NRXN3: variants seen among roughly 807,000 people sequenced by gnomAD.
The protein encoded by NRXN3 is neurexin III.
Under a neutral mutation model 137.6 loss-of-function variants are expected in NRXN3, and 32 were observed. The ratio of observed to expected loss-of-function variants is 0.23; its 90% CI spans 0.18 to 0.31. The LOEUF is 0.31. NRXN3 is among the 10% of genes least tolerant of loss of function. The pLI, the probability that NRXN3 is intolerant of heterozygous loss-of-function variation, is 1.00. For missense variants in NRXN3, 1,574 were observed against 2,062.5 expected, an observed-to-expected ratio of 0.76 and a Z score of 4.59; for synonymous variants, 798 against 784.5, an observed-to-expected ratio of 1.02 and a Z score of -0.29.
intron 8 of NRXN3, among the ~76,000 whole-genome samples, chr14:78,772,359 A>T (rs1291628330): frequency 6.6e-6 from 1 of 151,986 alleles, no homozygotes; most frequent in East Asian, 1.9e-4. Context: ...AAAGTTTGGG[A>T]AAAAGAGGAG....
rs555620364 is a variant in NRXN3, at chr14:79,805,030, G to C, written c.4015-82G>C. 57 of 929,720 alleles carry C rather than the reference G, an allele frequency of 6.1e-5. No homozygotes were observed. In the East Asian group the frequency reaches 1.4e-3, roughly 22 times the overall value. The allele number at this position is 929,720 out of a possible 1,614,324, so 57.6% of individuals were successfully genotyped here. On this transcript the variant is annotated intron_variant, in intron 19 of 20. Transcript: ENST00000335750. ...AGATGGGACACAGTGATAAATCTTT[G>C]ATGTCTTTGTTCATTAGTTTCCTTA...
At chr14:79,472,561 T>TA (rs1449447214) in intron 16 of NRXN3, among the ~76,000 whole-genome samples, 1 of 152,202 alleles carries the variant, frequency 6.6e-6, no homozygotes, top group Non-Finnish European at 1.5e-5. Flanking sequence ...TTTATTGAAG[T>TA]ATATGTGCAT....
At chr14:79,078,452 G>T (rs182618001) in intron 15 of NRXN3, among the ~76,000 whole-genome samples, 11 of 152,184 alleles carry the variant, frequency 7.2e-5, no homozygotes, top group African/African-American at 2.6e-4. Flanking sequence ...ATCCAACCTT[G>T]CTCTGCATAC....
rs1261474792 is a variant in NRXN3, at chr14:78,766,772, A to G, written c.2045-36848A>G. 2.6e-5 allele frequency among the ~76,000 whole-genome samples: 4 copies of G among 152,324 alleles called. No homozygotes were observed. The East Asian group carries it at 7.7e-4, about 29-fold the overall frequency. On this transcript the variant is annotated intron_variant, in intron 8 of 20. Coordinates refer to ENST00000335750, the MANE Select transcript of NRXN3 (RefSeq NM_001330195.2). ...GAAAGAGCATGGGCTTTGCGGTCAG[A>G]TAGACCTCCTTGAATTTGAAACCCA...
At chr14:78,415,731 G>A (rs1371142420) in intron 4 of NRXN3, among the ~76,000 whole-genome samples, 4 of 151,912 alleles carry the variant, frequency 2.6e-5, no homozygotes, top group African/African-American at 7.3e-5. Context: ...GGACATCTGG[G>A]GGTCATTAGA....
In NRXN3 at chr14:78,761,717, T is replaced by C. The variant is rs527261151; in HGVS notation, c.2045-41903T>C. On this transcript the variant is annotated intron_variant, in intron 8 of 20. Transcript: ENST00000335750. ...TCTGTGGCTTGTGGTAGAGTACACA[T>C]TGGGGCCTCATTTGAAGAATTAACA... 3.9e-5 allele frequency among the ~76,000 whole-genome samples: 6 copies of C among 152,236 alleles called. No individual in the cohort carries two copies. The East Asian group carries it at 7.7e-4, about 20-fold the overall frequency.
intron 1 of NRXN3, among the ~76,000 whole-genome samples, chr14:78,204,638 G>A (rs1023434547): frequency 9.2e-5 from 14 of 151,756 alleles, no homozygotes; most frequent in Non-Finnish European, 1.5e-4. Context: ...TGTATATTAT[G>A]ATCTAAATTA....
rs58170856 is a variant in NRXN3 at position 78,993,834 on chromosome 14, ATTTTTTTTTTTTTTTTT to A, written c.3262+5710_3262+5726del. Among the ~76,000 whole-genome samples, 191 of 67,020 alleles carry A rather than the reference ATTTTTTTTTTTTTTTTT, an allele frequency of 2.8e-3. 1 individual carries two copies. The highest frequency in any genetic ancestry group is 5.3e-3 in the South Asian group (7 of 1,312). The allele number at this position is 67,020 out of a possible 152,430, so 44.0% of individuals were successfully genotyped here. A position where few individuals can be genotyped will look rare whatever the true frequency, so the allele number is the denominator to read the frequency against. Reference sequence around the variant, plus strand: ...GTTTTCATTGAAGATGAGCCTTGAAATTTTTTTTTTTTTTTTTTTTTTTTTTTTTTTTTGAGACAGAA... The same window carrying A: ...GTTTTCATTGAAGATGAGCCTTGAAATTTTTTTTTTTTTTTTGAGACAGAA... On this transcript the variant is annotated intron_variant, in intron 15 of 20. Coordinates refer to ENST00000335750, the MANE Select transcript of NRXN3 (RefSeq NM_001330195.2).
chr14:78,285,486 T>C (rs900950208), intron 3 of NRXN3, among the ~76,000 whole-genome samples: 2 of 152,156 alleles, frequency 1.3e-5, no homozygotes, highest in African/African-American at 4.8e-5. Context: ...AGTACCTCAC[T>C]GATACAACCC....
Position 78,266,425 on chromosome 14 carries a change from A to G in NRXN3, c.710-12220A>G, listed in dbSNP as rs145282620. Reference sequence around the variant, plus strand: ...GCAATTCTTCCACCTCAGCTTCCTGAGTAGCTGAGATTACAGGCACATACC... The same window carrying G: ...GCAATTCTTCCACCTCAGCTTCCTGGGTAGCTGAGATTACAGGCACATACC... On this transcript the variant is annotated intron_variant, in intron 2 of 20. Transcript: ENST00000335750. 1.1e-4 allele frequency among the ~76,000 whole-genome samples: 17 copies of G among 152,062 alleles called. No homozygotes were observed. In the East Asian group the frequency reaches 3.3e-3, roughly 30 times the overall value.
At chr14:79,237,467 G>T (rs1407879255) in intron 15 of NRXN3, among the ~76,000 whole-genome samples, 1 of 152,048 alleles carries the variant, frequency 6.6e-6, no homozygotes, top group African/African-American at 2.4e-5. Context: ...GCGGGGGACA[G>T]GTGGATTATC....
At chr14:79,358,603 GAAAGAGAAAGAAAGAA>G (rs1399276977) in intron 15 of NRXN3, among the ~76,000 whole-genome samples, 17 of 87,088 alleles carry the variant, frequency 2.0e-4, no homozygotes, top group African/African-American at 4.3e-4. Context: ...AAGAAAGAAA[GAAAGAGAAAGAAAGAA>G]AGAAAGAAAG....
At chr14:78,566,466 T>C (rs2096837166) in intron 4 of NRXN3, among the ~76,000 whole-genome samples, 1 of 152,088 alleles carries the variant, frequency 6.6e-6, no homozygotes, top group East Asian at 1.9e-4. Flanking sequence ...CTAAGAGGTT[T>C]AAGTGTGCTG....
chr14:78,985,666 A>G (rs1054438185), intron 14 of NRXN3, among the ~76,000 whole-genome samples: 6 of 152,232 alleles, frequency 3.9e-5, no homozygotes, highest in African/African-American at 1.4e-4. Context: ...ACTGCCTTTT[A>G]CAGTAAAACT....
intron 15 of NRXN3, among the ~76,000 whole-genome samples, chr14:79,113,516 A>T (rs10141828): frequency 6.6e-6 from 1 of 152,056 alleles, no homozygotes; most frequent in Admixed American, 6.5e-5. Context: ...AATCAAAATT[A>T]CTCCTGATAA....
intron 16 of NRXN3, among the ~76,000 whole-genome samples, chr14:79,613,750 T>G (rs533197591): frequency 3.9e-5 from 6 of 152,236 alleles, no homozygotes; most frequent in African/African-American, 1.4e-4. Context: ...GCTAGGCAGG[T>G]TCACAGTGCC....
intron 10 of NRXN3, among the ~76,000 whole-genome samples, chr14:78,829,390 T>A (rs552325368): frequency 6.6e-6 from 1 of 152,252 alleles, no homozygotes; most frequent in Non-Finnish European, 1.5e-5. Context: ...GAACCATATT[T>A]GAAGAAATGA....
chr14:79,202,678 A>G (rs1032467924), intron 15 of NRXN3, among the ~76,000 whole-genome samples: 20 of 152,090 alleles, frequency 1.3e-4, no homozygotes, highest in Admixed American at 1.2e-3. Context: ...ATAGTCTCCA[A>G]ACTCATCCAG....
At chr14:78,348,277 C>G (rs1360757503) in intron 4 of NRXN3, among the ~76,000 whole-genome samples, 1 of 152,190 alleles carries the variant, frequency 6.6e-6, no homozygotes, top group African/African-American at 2.4e-5. Context: ...GATTCCTATA[C>G]ACATTCTAAG....
Sources: allele counts gnomAD v4.1 joint callset (sites outside exome capture counted in the v4.1 genomes callset), GRCh38; gene constraint gnomAD v4.1.1; transcripts MANE v1.5; gene names NCBI Gene and HGNC (gene_info 2026-07-23, HGNC 2026-07-21).